Variants in TMEM233 observed in about 807,000 individuals in gnomAD.
TMEM233 encodes the protein transmembrane protein 233.
In TMEM233, 6 loss-of-function variants were observed where a neutral mutation model predicts 11.2. That is an observed-to-expected ratio of 0.54 (90% CI 0.29 to 1.06). The LOEUF (loss-of-function observed/expected upper bound fraction) is 1.06. Among genes scored for constraint, TMEM233 ranks in the 50% least tolerant of loss-of-function variants. The probability of loss-of-function intolerance (pLI) is 0.08; values close to 1 mark genes in which losing one functional copy is unlikely to be tolerated. For missense variants in TMEM233, 127 were observed against 144.7 expected, an observed-to-expected ratio of 0.88 and a Z score of 0.63; for synonymous variants, 59 against 55.8, an observed-to-expected ratio of 1.06 and a Z score of -0.26.
chr12:119,614,680 G>C (rs1291199970), intron 1 of TMEM233, among the ~76,000 whole-genome samples: 3 of 152,110 alleles, frequency 2.0e-5, no homozygotes, highest in Non-Finnish European at 4.4e-5. Context: ...AGTCCCCTTA[G>C]AAAGTTGCTT....
chr12:119,637,080 A>G (rs139728740), intron 2 of TMEM233, among the ~76,000 whole-genome samples: 224 of 152,322 alleles, frequency 1.5e-3, no homozygotes, highest in Middle Eastern at 6.8e-3. Context: ...TGACATCCCC[A>G]TCCGTGCTCA....
Position 119,595,990 on chromosome 12 carries a change from A to AAATG in TMEM233, c.186+1961_186+1964dup, listed in dbSNP as rs1396229997. Among the ~76,000 whole-genome samples the AAATG allele has an allele frequency of 6.6e-6, 1 of 152,236 alleles. No homozygotes were observed. The highest frequency in any genetic ancestry group is 1.5e-5 in the Non-Finnish European group (1 of 68,042). ...TGGTAGATGCTTAATAAGTATCATG[A>AAATG]AATGAATGCATGCATGAATGAATGG... On this transcript the variant is annotated intron_variant, in intron 1 of 2. Coordinates refer to ENST00000426426, the MANE Select transcript of TMEM233 (RefSeq NM_001136534.3). The surrounding 1 kb of genome is among the most constrained non-coding windows in gnomAD (Gnocchi z 4.3).
intron 1 of TMEM233, among the ~76,000 whole-genome samples, chr12:119,600,280 G>A (rs1954135255): frequency 6.7e-6 from 1 of 148,556 alleles, no homozygotes; most frequent in East Asian, 2.0e-4. Flanking sequence ...CATCCCCAGA[G>A]AATAAGAAAC....
downstream of TMEM233, among the ~76,000 whole-genome samples, chr12:119,644,808 G>GT (rs1024207768): frequency 1.3e-5 from 2 of 152,110 alleles, no homozygotes; most frequent in African/African-American, 4.8e-5. Flanking sequence ...TCCCCGTGGT[G>GT]TTGTCACTTT....
At chr12:119,648,347 C>T in the TMEM233 span, among the ~76,000 whole-genome samples, 2,469 of 152,334 alleles carry the variant, frequency 0.016, 64 homozygotes, top group African/African-American at 0.056. Flanking sequence ...TGATGTGTCC[C>T]CAGCATCTAG....
intron 1 of TMEM233, among the ~76,000 whole-genome samples, chr12:119,606,421 G>A (rs1954280314): frequency 6.6e-6 from 1 of 152,090 alleles, no homozygotes. Flanking sequence ...TTGAAAGAGA[G>A]AAGATGTGGT....
the TMEM233 span, among the ~76,000 whole-genome samples, chr12:119,652,178 G>A: frequency 6.6e-6 from 1 of 152,192 alleles, no homozygotes; most frequent in Non-Finnish European, 1.5e-5. Context: ...TTCCATATTA[G>A]AAATTATTCC....
Position 119,626,515 on chromosome 12 carries a change from GAGGAGA to G in TMEM233, c.187-3217_187-3212del, listed in dbSNP as rs1314983450. On this transcript the variant is annotated intron_variant, in intron 1 of 2. Coordinates refer to ENST00000426426, the MANE Select transcript of TMEM233 (RefSeq NM_001136534.3). Reference sequence around the variant, plus strand: ...GAAAAAGGAGGAGGAGGAGGAGGAGGAGGAGAAGGGAGAAGGGAGAAGGGAGAAGAG... The same window carrying G: ...GAAAAAGGAGGAGGAGGAGGAGGAGGAGGGAGAAGGGAGAAGGGAGAAGAG... 7.2e-4 allele frequency among the ~76,000 whole-genome samples: 40 copies of G among 55,326 alleles called. 1 individual carries two copies. The highest frequency in any genetic ancestry group is 1.5e-3 in the Admixed American group (8 of 5,446). The allele number at this position is 55,326 out of a possible 152,430, so 36.3% of individuals were successfully genotyped here. A position where few individuals can be genotyped will look rare whatever the true frequency, so the allele number is the denominator to read the frequency against.
intron 1 of TMEM233, among the ~76,000 whole-genome samples, chr12:119,598,484 G>C (rs1305942464): frequency 4.6e-5 from 7 of 152,162 alleles, no homozygotes. Flanking sequence ...CCTACCAATA[G>C]GTGTGTGGGG....
intron 1 of TMEM233, among the ~76,000 whole-genome samples, chr12:119,618,727 T>C (rs1218448589): frequency 6.6e-6 from 1 of 152,236 alleles, no homozygotes; most frequent in Non-Finnish European, 1.5e-5. Flanking sequence ...CCAATGCCTG[T>C]ACCCCCATTG....
At chr12:119,619,985 A>C (rs1423039277) in intron 1 of TMEM233, among the ~76,000 whole-genome samples, 2 of 152,252 alleles carry the variant, frequency 1.3e-5, no homozygotes, top group Non-Finnish European at 2.9e-5. Flanking sequence ...AAACTCATCA[A>C]GAAGAAATAC....
chr12:119,600,640 C>T (rs1165446719), intron 1 of TMEM233, among the ~76,000 whole-genome samples: 1 of 152,146 alleles, frequency 6.6e-6, no homozygotes. Flanking sequence ...TGGGCTACAA[C>T]CTGGATGAAC....
intron 2 of TMEM233, among the ~76,000 whole-genome samples, chr12:119,640,453 G>T (rs1955063821): frequency 1.3e-5 from 2 of 152,188 alleles, no homozygotes; most frequent in Admixed American, 6.5e-5. Flanking sequence ...ACCATGCCTG[G>T]CCTGTTTTTG....
chr12:119,640,839 C>G lies in TMEM233; in HGVS notation c.*134C>G. On this transcript the variant is annotated 3_prime_UTR_variant, in exon 3 of 3. Coordinates refer to ENST00000426426, the MANE Select transcript of TMEM233 (RefSeq NM_001136534.3). ...CCTCCAGGACTCTCCAGAGGCAGGT[C>G]CCTGGCAAATGAACAAGAAAAAAAA... 1.3e-6 allele frequency: 1 copy of G among 789,860 alleles called. No homozygotes were observed. Among genetic ancestry groups the G allele is most frequent in the Non-Finnish European group, 1.8e-6 (1 of 565,230 alleles). The allele number at this position is 789,860 out of a possible 1,614,324, so 48.9% of individuals were successfully genotyped here. A position where few individuals can be genotyped will look rare whatever the true frequency, so the allele number is the denominator to read the frequency against.
chr12:119,609,434 C>T (rs539571547), intron 1 of TMEM233, among the ~76,000 whole-genome samples: 51 of 152,190 alleles, frequency 3.4e-4, no homozygotes, highest in Non-Finnish European at 5.6e-4. Flanking sequence ...GCATAAGTAA[C>T]CAGGAGCCAA....
At chr12:119,606,466 A>G (rs1303530589) in intron 1 of TMEM233, among the ~76,000 whole-genome samples, 4 of 152,364 alleles carry the variant, frequency 2.6e-5, no homozygotes, top group Middle Eastern at 6.8e-3. Flanking sequence ...AAAAAAAGAC[A>G]TGTTCTAAAA....
chr12:119,630,049 C>T (rs1954848291), intron 2 of TMEM233, among the ~76,000 whole-genome samples, 177 bp downstream of exon 2: 1 of 152,190 alleles, frequency 6.6e-6, no homozygotes, highest in African/African-American at 2.4e-5. Context: ...CAGTGTGGAT[C>T]TTCTAGTGCG....
At chr12:119,636,250 G>A (rs1954967527) in intron 2 of TMEM233, among the ~76,000 whole-genome samples, 1 of 152,056 alleles carries the variant, frequency 6.6e-6, no homozygotes, top group African/African-American at 2.4e-5. Context: ...AGAAACTGGG[G>A]AGCTCTGTGT....
At chr12:119,627,814 C>T (rs1230508009) in intron 1 of TMEM233, among the ~76,000 whole-genome samples, 1 of 152,206 alleles carries the variant, frequency 6.6e-6, no homozygotes, top group Non-Finnish European at 1.5e-5. Flanking sequence ...CTCAAAGCTC[C>T]TCTCCATAAG....
Sources: allele counts gnomAD v4.1 joint callset (sites outside exome capture counted in the v4.1 genomes callset), GRCh38; gene constraint gnomAD v4.1.1; non-coding constraint Gnocchi (gnomAD v3.1); transcripts MANE v1.5; gene names NCBI Gene and HGNC (gene_info 2026-07-23, HGNC 2026-07-21).